SCARB1: variants seen among roughly 807,000 people sequenced by gnomAD.
SCARB1 encodes the protein scavenger receptor class B member 1.
In SCARB1, 30 loss-of-function variants were observed where a neutral mutation model predicts 57.2. That is an observed-to-expected ratio of 0.52 (90% confidence interval 0.39 to 0.71). The LOEUF is 0.71. Ranked by LOEUF, SCARB1 falls within the 30% of genes least tolerant of loss-of-function variation. The pLI is 0.00. For missense variants in SCARB1, 543 were observed against 671.2 expected, an observed-to-expected ratio of 0.81 and a Z score of 2.11; for synonymous variants, 249 against 268.3, an observed-to-expected ratio of 0.93 and a Z score of 0.70.
At chr12:124,840,779 AC>A (rs949295482) in intron 1 of SCARB1, among the ~76,000 whole-genome samples, 4 of 149,748 alleles carry the variant, frequency 2.7e-5, no homozygotes, top group African/African-American at 7.3e-5. Flanking sequence ...TTAGAAAACT[AC>A]CCCCACCTGG....
intron 7 of SCARB1, among the ~76,000 whole-genome samples, chr12:124,804,627 G>A (rs1425990173): frequency 6.6e-6 from 1 of 152,172 alleles, no homozygotes; most frequent in Non-Finnish European, 1.5e-5. Flanking sequence ...ATGCCCAGAC[G>A]GGCCAGACAG....
rs1950743049 is a variant in SCARB1 at position 124,817,006 on chromosome 12, G to A, written c.284+544C>T. 6.8e-6 allele frequency among the ~76,000 whole-genome samples: 1 copy of A among 147,620 alleles called. No individual in the cohort carries two copies. Among genetic ancestry groups the A allele is most frequent in the Non-Finnish European group, 1.5e-5 (1 of 67,042 alleles). On this transcript the variant is annotated intron_variant, in intron 2 of 12. Coordinates refer to ENST00000261693, the MANE Select transcript of SCARB1 (RefSeq NM_005505.5). This position sits in a 1 kb window ranked among gnomAD's most constrained non-coding sequence, Gnocchi z 4.8. ...GATAGGGTCTGGGGGGTCGGTCCCT[G>A]CTCCTGGTCATGCATGTGTGTGTGT...
chr12:124,848,556 C>A (rs537425709), intron 1 of SCARB1, among the ~76,000 whole-genome samples: 1 of 152,332 alleles, frequency 6.6e-6, no homozygotes, highest in East Asian at 1.9e-4. Context: ...CCAAAAGGCT[C>A]AGCAACGAGA....
intron 10 of SCARB1, among the ~76,000 whole-genome samples, chr12:124,786,773 C>T (rs1949539605): frequency 6.6e-6 from 1 of 152,242 alleles, no homozygotes; most frequent in African/African-American, 2.4e-5. Flanking sequence ...GACTCTCCAT[C>T]TCGTTCCCTG....
Position 124,807,105 on chromosome 12 carries a change from G to A in SCARB1, c.1009+656C>T, listed in dbSNP as rs1417414466. ...GGTCCCAACTACTCGGGAGGCTGAGGTGGGAGGATCACTTGAACCTGGGAG... is the reference window on the plus strand; with the variant it reads ...GGTCCCAACTACTCGGGAGGCTGAGATGGGAGGATCACTTGAACCTGGGAG... On this transcript the variant is annotated intron_variant, in intron 7 of 12. Transcript: ENST00000261693. The surrounding 1 kb of genome is among the most constrained non-coding windows in gnomAD (Gnocchi z 5.3). 6.6e-6 allele frequency among the ~76,000 whole-genome samples: 1 copy of A among 152,184 alleles called. No homozygotes were observed. Among genetic ancestry groups the A allele is most frequent in the Non-Finnish European group, 1.5e-5 (1 of 68,036 alleles).
intron 7 of SCARB1, among the ~76,000 whole-genome samples, chr12:124,803,488 T>C (rs914991791): frequency 2.0e-5 from 3 of 151,890 alleles, no homozygotes; most frequent in Non-Finnish European, 2.9e-5. Flanking sequence ...AGAGGATCAA[T>C]TGAGTGATGG....
rs991970604 is a variant in SCARB1, at chr12:124,792,437, A to G, written c.1202+2758T>C. Among the ~76,000 whole-genome samples, 4 of 152,032 alleles carry G rather than the reference A, an allele frequency of 2.6e-5. No individual in the cohort carries two copies. The East Asian group carries it at 7.7e-4, about 29-fold the overall frequency. On this transcript the variant is annotated intron_variant, in intron 9 of 12. Transcript: ENST00000261693. Reference sequence around the variant, plus strand: ...CAGCTGCCCGCGTGAACTGTTTGTTAAGAATGTGAATTAGGCCCAGCGCAG... The same window carrying G: ...CAGCTGCCCGCGTGAACTGTTTGTTGAGAATGTGAATTAGGCCCAGCGCAG...
intron 9 of SCARB1, among the ~76,000 whole-genome samples, chr12:124,788,359 C>T (rs1486452151): frequency 6.6e-6 from 1 of 152,234 alleles, no homozygotes; most frequent in East Asian, 1.9e-4. Flanking sequence ...GACTCCACTT[C>T]AGCCTCTCTT....
At position 124,807,616 on chromosome 12, in the gene SCARB1, T is replaced by C. The variant is rs941693986; in HGVS notation, c.1009+145A>G. 1.4e-5 allele frequency: 11 copies of C among 768,544 alleles called. No homozygotes were observed. Among genetic ancestry groups the C allele is most frequent in the Non-Finnish European group, 2.3e-5 (11 of 475,642 alleles). The allele number at this position is 768,544 out of a possible 1,614,324, so 47.6% of individuals were successfully genotyped here. ...GGCATTTCTTCCTTTTCAGATTATC[T>C]TCCTGCGGCCTCATTATCTTCGCCT... On this transcript the variant is annotated intron_variant, in intron 7 of 12. Coordinates refer to ENST00000261693, the MANE Select transcript of SCARB1 (RefSeq NM_005505.5). The surrounding 1 kb of genome is among the most constrained non-coding windows in gnomAD (Gnocchi z 5.3).
At chr12:124,839,237 C>T (rs1249400712) in intron 1 of SCARB1, 2 of 456,068 alleles carry the variant, frequency 4.4e-6, no homozygotes, top group East Asian at 6.9e-5. Flanking sequence ...CAGCCCCTGG[C>T]ACCCACCATT....
chr12:124,782,908 G>T (rs1949370882), intron 11 of SCARB1, 97 bp from the exon 12 acceptor site: 1 of 1,296,992 alleles, frequency 7.7e-7, no homozygotes, highest in South Asian at 1.2e-5. Flanking sequence ...GAGGAAACAG[G>T]AAAGGCACAT....
chr12:124,808,658 A>G (rs1950408150), intron 6 of SCARB1, among the ~76,000 whole-genome samples: 1 of 151,934 alleles, frequency 6.6e-6, no homozygotes, highest in Admixed American at 6.6e-5. Flanking sequence ...CCATCCATTC[A>G]TGCTCCTGTA....
chr12:124,815,765 C>T (rs1950688388), intron 2 of SCARB1, among the ~76,000 whole-genome samples: 1 of 152,178 alleles, frequency 6.6e-6, no homozygotes, highest in South Asian at 2.1e-4. Context: ...ACTCGGGAGG[C>T]TGAGGCAGGA....
chr12:124,828,336 C>T (rs1951246068), intron 1 of SCARB1, among the ~76,000 whole-genome samples: 1 of 152,034 alleles, frequency 6.6e-6, no homozygotes, highest in East Asian at 1.9e-4. Flanking sequence ...TCCATGAAGC[C>T]CACTGGAACG....
intron 4 of SCARB1, among the ~76,000 whole-genome samples, chr12:124,813,779 C>T (rs1355831514): frequency 6.6e-6 from 1 of 152,136 alleles, no homozygotes; most frequent in Non-Finnish European, 1.5e-5. Context: ...GTGAAACCTG[C>T]GGTGAGGGAG....
At chr12:124,778,736 C>T in intron 12 of SCARB1, 150 bp from the exon 13 acceptor site, 1 of 754,226 alleles carries the variant, frequency 1.3e-6, no homozygotes, top group Non-Finnish European at 1.9e-6. Flanking sequence ...ACTGGAGTCA[C>T]CTATAGACTC....
chr12:124,808,997 T>C (rs1456801404), intron 6 of SCARB1, among the ~76,000 whole-genome samples: 1 of 152,232 alleles, frequency 6.6e-6, no homozygotes, highest in African/African-American at 2.4e-5. Context: ...TTGCATATTT[T>C]GATTTATAGG....
chr12:124,779,268 C>T (rs1872935078), intron 12 of SCARB1, among the ~76,000 whole-genome samples: 1 of 152,204 alleles, frequency 6.6e-6, no homozygotes, highest in South Asian at 2.1e-4. Context: ...AAACCCATGT[C>T]ACAGGACGGT....
chr12:124,863,090 T>TA (rs1952967696), intron 1 of SCARB1, among the ~76,000 whole-genome samples: 1 of 152,192 alleles, frequency 6.6e-6, no homozygotes, highest in Non-Finnish European at 1.5e-5. Context: ...GCTGAGCACC[T>TA]ACCATGTGAG....
Sources: allele counts gnomAD v4.1 joint callset (sites outside exome capture counted in the v4.1 genomes callset), GRCh38; gene constraint gnomAD v4.1.1; non-coding constraint Gnocchi (gnomAD v3.1); transcripts MANE v1.5; gene names NCBI Gene and HGNC (gene_info 2026-07-23, HGNC 2026-07-21).